SMOC2: variants seen among roughly 807,000 people sequenced by gnomAD.
SMOC2 encodes SPARC-related modular calcium-binding protein 2.
SMOC2 carries 39 observed loss-of-function variants against 61.4 expected under a neutral mutation model. The observed-to-expected ratio is 0.64, with a 90% CI of 0.49 to 0.83. SMOC2 has a LOEUF of 0.83. SMOC2 is among the 40% of genes least tolerant of loss of function. SMOC2 has a pLI of 0.00. For missense variants in SMOC2, 556 were observed against 592.9 expected, an observed-to-expected ratio of 0.94 and a Z score of 0.65; for synonymous variants, 247 against 239.9, an observed-to-expected ratio of 1.03 and a Z score of -0.27.
In SMOC2 at chr6:168,489,168, C is replaced by T. The variant is rs909650856; in HGVS notation, c.85-20747C>T. On this transcript the variant is annotated intron_variant, in intron 1 of 12. Coordinates refer to ENST00000356284, the MANE Select transcript of SMOC2 (RefSeq NM_001166412.2). ...TGTTGTAGAATGAAATATATCAAAT[C>T]GTCTGGGTCCCCTTGCATCACACTG... 1.5e-4 allele frequency among the ~76,000 whole-genome samples: 22 copies of T among 148,946 alleles called. 1 individual carries two copies. Among genetic ancestry groups the T allele is most frequent in the Admixed American group, 2.7e-4 (4 of 14,932 alleles).
At chr6:168,465,677 G>A (rs558202519) in intron 1 of SMOC2, among the ~76,000 whole-genome samples, 2 of 149,862 alleles carry the variant, frequency 1.3e-5, no homozygotes, top group East Asian at 2.0e-4. Flanking sequence ...GATGAAGCGA[G>A]GTGCTGCTCT....
chr6:168,469,396 TA>T (rs1781918857), intron 1 of SMOC2, among the ~76,000 whole-genome samples: 1 of 152,222 alleles, frequency 6.6e-6, no homozygotes, highest in Non-Finnish European at 1.5e-5. Context: ...CAGGCTTTGC[TA>T]GGGGTAATTT....
In SMOC2 at chr6:168,543,146, G is replaced by A. The variant is rs573606859; in HGVS notation, c.464-479G>A. On this transcript the variant is annotated intron_variant, in intron 4 of 12. Coordinates refer to ENST00000356284, the MANE Select transcript of SMOC2 (RefSeq NM_001166412.2). Reference sequence around the variant, plus strand: ...AACATTTAAACTTGGTCACACATTAGTTAGTAGATTTTCAATACTCTACCA... The same window carrying A: ...AACATTTAAACTTGGTCACACATTAATTAGTAGATTTTCAATACTCTACCA... 3.9e-5 allele frequency among the ~76,000 whole-genome samples: 6 copies of A among 152,282 alleles called. No homozygotes were observed. The East Asian group carries it at 1.2e-3, about 29-fold the overall frequency.
intron 1 of SMOC2, among the ~76,000 whole-genome samples, chr6:168,478,098 A>T (rs569089633): frequency 1.3e-5 from 2 of 152,206 alleles, no homozygotes; most frequent in East Asian, 3.9e-4. Flanking sequence ...CCTTGAAGGG[A>T]AGTGGGGCCA....
intron 2 of SMOC2, among the ~76,000 whole-genome samples, chr6:168,512,684 G>A (rs1337343587): frequency 6.6e-5 from 10 of 152,276 alleles, no homozygotes; most frequent in African/African-American, 2.4e-4. Context: ...CCAGCTTGTG[G>A]AACCCACCCC....
chr6:168,467,392 C>T (rs1296464822), intron 1 of SMOC2, among the ~76,000 whole-genome samples: 2 of 151,998 alleles, frequency 1.3e-5, no homozygotes, highest in Admixed American at 6.5e-5. Context: ...CTGCAACCTC[C>T]ACCTCCTGGT....
rs1182183945 is a variant in SMOC2 at position 168,535,576 on chromosome 6, A to G, written c.463+7849A>G. Among the ~76,000 whole-genome samples the G allele has an allele frequency of 6.6e-6, 1 of 152,192 alleles. No homozygotes were observed. Among genetic ancestry groups the G allele is most frequent in the African/African-American group, 2.4e-5 (1 of 41,442 alleles). Reference sequence around the variant, plus strand: ...ATCCCAACTGTTTAAAGGCAGAATCACTAGGATAGAAAAAGACCCACGAAG... The same window carrying G: ...ATCCCAACTGTTTAAAGGCAGAATCGCTAGGATAGAAAAAGACCCACGAAG... On this transcript the variant is annotated intron_variant, in intron 4 of 12. Coordinates refer to ENST00000356284, the MANE Select transcript of SMOC2 (RefSeq NM_001166412.2). The surrounding 1 kb of genome is among the most constrained non-coding windows in gnomAD (Gnocchi z 4.6).
intron 2 of SMOC2, 100 bp from the exon 3 acceptor site, chr6:168,526,246 C>A: frequency 9.2e-7 from 1 of 1,088,890 alleles, no homozygotes; most frequent in Non-Finnish European, 1.4e-6. Flanking sequence ...GTCCTCAGCA[C>A]TCCTGCCTAA....
chr6:168,518,357 C>T (rs2180345), intron 2 of SMOC2, among the ~76,000 whole-genome samples: 86,562 of 151,642 alleles, frequency 0.57, 27,832 homozygotes, highest in Non-Finnish European at 0.72. Flanking sequence ...TGCGTGAGTG[C>T]GAATGTGTGT....
At chr6:168,626,712 G>GGCGTTCTGTTAGGCGTTCTTAAC (rs1786419856) in intron 9 of SMOC2, among the ~76,000 whole-genome samples, 2 of 152,206 alleles carry the variant, frequency 1.3e-5, no homozygotes, top group African/African-American at 4.8e-5. Context: ...CTGTTACCTA[G>GGCGTTCTGTTAGGCGTTCTTAAC]GCCTGTGTTT....
chr6:168,603,809 T>A (rs889208071), intron 8 of SMOC2, among the ~76,000 whole-genome samples: 8 of 151,104 alleles, frequency 5.3e-5, no homozygotes, highest in African/African-American at 1.5e-4. Flanking sequence ...GACATCAGAG[T>A]CAAGACCTCA....
intron 9 of SMOC2, among the ~76,000 whole-genome samples, chr6:168,613,314 G>A (rs1053833859): frequency 6.6e-6 from 1 of 152,148 alleles, no homozygotes; most frequent in Admixed American, 6.5e-5. Flanking sequence ...CTGTCTTTCT[G>A]TGGGTGTCCT....
Position 168,600,415 on chromosome 6 carries a change from AAAAAAACAAAAAAAAAAAC to A in SMOC2, c.824+1418_824+1436del, listed in dbSNP as rs1384201970. Among the ~76,000 whole-genome samples, 152 of 23,450 alleles carry A rather than the reference AAAAAAACAAAAAAAAAAAC, an allele frequency of 6.5e-3. 6 individuals are homozygous for A. The highest frequency in any genetic ancestry group is 0.012 in the Non-Finnish European group (119 of 9,562). The allele number at this position is 23,450 out of a possible 152,430, so 15.4% of individuals were successfully genotyped here. ...AGAGCGAAACTCTGCCTCAAAAAAA[AAAAAAACAAAAAAAAAAAC>A]AAAAAAAAAAACAGTAGTTTCAACT... On this transcript the variant is annotated intron_variant, in intron 8 of 12. Transcript: ENST00000356284.
rs547236810 is a variant in SMOC2 at position 168,523,818 on chromosome 6, C to T, written c.257-2528C>T. Among the ~76,000 whole-genome samples the T allele has an allele frequency of 7.9e-5, 12 of 152,176 alleles. No homozygotes were observed. In the South Asian group the frequency reaches 2.5e-3, roughly 32 times the overall value. On this transcript the variant is annotated intron_variant, in intron 2 of 12. Transcript: ENST00000356284. ...AGGCTGTTAAACAGTTAGGGTTCTG[C>T]TTAATTTTTAACTCAACCAAAGAAT...
At chr6:168,460,466 A>G (rs1049692060) in intron 1 of SMOC2, among the ~76,000 whole-genome samples, 2 of 152,176 alleles carry the variant, frequency 1.3e-5, no homozygotes, top group African/African-American at 2.4e-5. Flanking sequence ...CTTACTTAAT[A>G]ATATTTAGGG....
intron 7 of SMOC2, among the ~76,000 whole-genome samples, chr6:168,571,508 G>T (rs1374733478): frequency 6.6e-6 from 1 of 152,170 alleles, no homozygotes; most frequent in African/African-American, 2.4e-5. Flanking sequence ...CGGTGTGGTC[G>T]CGTTTGTGAG....
At chr6:168,539,911 T>C (rs766375263) in intron 4 of SMOC2, among the ~76,000 whole-genome samples, 12 of 152,214 alleles carry the variant, frequency 7.9e-5, no homozygotes, top group Non-Finnish European at 1.5e-4. Flanking sequence ...TAAGTGGCCC[T>C]GGGCCAGTTA....
At chr6:168,548,385 G>A (rs866152066) in intron 6 of SMOC2, among the ~76,000 whole-genome samples, 10 of 90,090 alleles carry the variant, frequency 1.1e-4, no homozygotes, top group African/African-American at 5.5e-4. Flanking sequence ...ACAGAGTTTT[G>A]CTTTTGTTGC....
At chr6:168,494,904 C>G (rs958528104) in intron 1 of SMOC2, among the ~76,000 whole-genome samples, 23 of 152,210 alleles carry the variant, frequency 1.5e-4, no homozygotes, top group Admixed American at 4.6e-4. Flanking sequence ...CTGGCTGAGG[C>G]CTCCCTCTGC....
Sources: allele counts gnomAD v4.1 joint callset (sites outside exome capture counted in the v4.1 genomes callset), GRCh38; gene constraint gnomAD v4.1.1; non-coding constraint Gnocchi (gnomAD v3.1); transcripts MANE v1.5; gene names NCBI Gene and HGNC (gene_info 2026-07-23, HGNC 2026-07-21).